The following FAM135B variants were observed in gnomAD, a reference collection of about 807,000 sequenced individuals.
FAM135B encodes family with sequence similarity 135 member B, also known as protein FAM135B.
In FAM135B, 43 loss-of-function variants were observed where a neutral mutation model predicts 127.7. The observed-to-expected ratio is 0.34, with a 90% CI of 0.26 to 0.43. The LOEUF is 0.43. Ranked by LOEUF, FAM135B falls within the 20% of genes least tolerant of loss-of-function variation. FAM135B has a pLI of 1.00. For synonymous variants in FAM135B, 670 were observed against 665.1 expected, an observed-to-expected ratio of 1.01 and a Z score of -0.11; for missense variants, 1,558 against 1,725.6, an observed-to-expected ratio of 0.90 and a Z score of 1.72.
At chr8:138,399,551 C>T (rs928477775) in intron 1 of FAM135B, among the ~76,000 whole-genome samples, 1 of 152,162 alleles carries the variant, frequency 6.6e-6, no homozygotes, top group African/African-American at 2.4e-5. Flanking sequence ...CCCCCACTGT[C>T]AACAGACCAA....
chr8:138,418,462 A>G (rs1052837260), intron 1 of FAM135B, among the ~76,000 whole-genome samples: 2 of 152,074 alleles, frequency 1.3e-5, no homozygotes, highest in African/African-American at 4.8e-5. Context: ...GCTATACAAG[A>G]TGACCATTCA....
Position 138,152,695 on chromosome 8 carries a change from T to C in FAM135B, c.1780A>G (p.Lys594Glu), listed in dbSNP as rs779426830. The C allele has an allele frequency of 3.1e-6, 5 of 1,614,180 alleles. No homozygotes were observed. The highest frequency in any genetic ancestry group is 4.2e-6 in the Non-Finnish European group (5 of 1,180,032). The change falls in exon 13 of 20, where the codon AAA becomes GAA. Residue 594 changes from lysine (K) to glutamate (E), a missense_variant. Physicochemically the swap from Lys to Glu is moderately conservative, Grantham distance 56. Transcript: ENST00000395297. Reference protein sequence around the residue: ...KYGLDRTGLSKVVVGGSHQNA... With the variant: ...KYGLDRTGLSEVVVGGSHQNA... ...TGGTGGCTTCCACCTACTACCACTT[T>C]GCTTAGCCCAGTCCTGTCTAATCCA...
chr8:138,322,441 G>C (rs1827511387), intron 2 of FAM135B, among the ~76,000 whole-genome samples: 1 of 152,170 alleles, frequency 6.6e-6, no homozygotes, highest in Non-Finnish European at 1.5e-5. Flanking sequence ...CAGATTGCTT[G>C]ATACTGTAGG....
At position 138,278,196 on chromosome 8, in the gene FAM135B, G is replaced by A. The variant is rs186546543; in HGVS notation, c.158-12354C>T. ...AATCTAAGCTGCAAAAATTGCTGCC[G>A]AGGATGTAGATCTAGGTGTTCATTG... is the stretch of plus-strand genomic sequence containing the variant. On this transcript the variant is annotated intron_variant, in intron 3 of 19. Coordinates refer to ENST00000395297, the MANE Select transcript of FAM135B (RefSeq NM_015912.4). Among the ~76,000 whole-genome samples the A allele has an allele frequency of 2.6e-3, 397 of 151,618 alleles. 1 individual carries two copies. The highest frequency in any genetic ancestry group is 7.3e-3 in the Admixed American group (111 of 15,250).
At chr8:138,162,405 A>G (rs1819491361) in intron 12 of FAM135B, among the ~76,000 whole-genome samples, 1 of 152,200 alleles carries the variant, frequency 6.6e-6, no homozygotes. Flanking sequence ...AAACCCATAT[A>G]GAATGTGCAA....
chr8:138,196,296 C>A (rs1816620204), intron 8 of FAM135B, among the ~76,000 whole-genome samples: 1 of 152,186 alleles, frequency 6.6e-6, no homozygotes, highest in African/African-American at 2.4e-5. Context: ...TTCCTGCATG[C>A]ATAAGATTTG....
In FAM135B at chr8:138,152,168, C is replaced by T. The variant is rs2130759071; in HGVS notation, c.2307G>A (p.Lys769=). The change falls in exon 13 of 20, where the codon AAG becomes AAA. Residue 769 remains lysine, a synonymous_variant. Coordinates refer to ENST00000395297, the MANE Select transcript of FAM135B (RefSeq NM_015912.4). ...TACTGATGTGGGGAGCAGATACAGA[C>T]TTGGTTAACTTAGTGAGTGCCACCT... ...EREVALTKLT[K]SVSAPHISSP... The T allele has an allele frequency of 1.2e-6, 2 of 1,614,022 alleles. No homozygotes were observed. Among genetic ancestry groups the T allele is most frequent in the Admixed American group, 1.7e-5 (1 of 60,014 alleles).
intron 11 of FAM135B, among the ~76,000 whole-genome samples, chr8:138,168,828 C>T (rs1332799112): frequency 6.6e-6 from 1 of 152,152 alleles, no homozygotes; most frequent in Non-Finnish European, 1.5e-5. Flanking sequence ...AACTCAATCA[C>T]TCTTCCCTCA....
At chr8:138,490,761 C>G (rs150958856) in intron 1 of FAM135B, among the ~76,000 whole-genome samples, 140 of 152,282 alleles carry the variant, frequency 9.2e-4, no homozygotes, top group African/African-American at 3.3e-3. Context: ...TGCAGTTATT[C>G]TAAGTAACTG....
intron 1 of FAM135B, among the ~76,000 whole-genome samples, chr8:138,453,425 C>CAAAA (rs397891817): frequency 1.2e-5 from 1 of 84,324 alleles, no homozygotes. Context: ...GTCCAAGTGA[C>CAAAA]AAAAAAAAAA....
chr8:138,178,055 G>A (rs1243315482), intron 10 of FAM135B, among the ~76,000 whole-genome samples: 1 of 152,032 alleles, frequency 6.6e-6, no homozygotes, highest in Non-Finnish European at 1.5e-5. Flanking sequence ...GACCAGTCTA[G>A]TCAACATGGT....
At chr8:138,221,066 C>T (rs1218251949) in intron 7 of FAM135B, among the ~76,000 whole-genome samples, 4 of 152,146 alleles carry the variant, frequency 2.6e-5, no homozygotes, top group Non-Finnish European at 5.9e-5. Context: ...AGATGAAACC[C>T]AGGAAATTTC....
chr8:138,226,908 G>C (rs1819501682), intron 7 of FAM135B, among the ~76,000 whole-genome samples: 1 of 152,016 alleles, frequency 6.6e-6, no homozygotes, highest in African/African-American at 2.4e-5. Context: ...TGTTGGCCAG[G>C]CTGGTCTCAA....
intron 12 of FAM135B, among the ~76,000 whole-genome samples, chr8:138,154,794 G>A (rs1373757668): frequency 6.6e-6 from 1 of 152,204 alleles, no homozygotes; most frequent in African/African-American, 2.4e-5. Flanking sequence ...ACGGGACTAT[G>A]TGAAAAGACC....
chr8:138,278,704 A>G (rs1344536079), intron 3 of FAM135B, among the ~76,000 whole-genome samples: 1 of 151,764 alleles, frequency 6.6e-6, no homozygotes, highest in African/African-American at 2.4e-5. Context: ...CTGGGACTAT[A>G]GGTGCCCACC....
At chr8:138,182,455 A>G (rs1815141262) in intron 9 of FAM135B, among the ~76,000 whole-genome samples, 1 of 152,186 alleles carries the variant, frequency 6.6e-6, no homozygotes, top group Middle Eastern at 3.4e-3. Flanking sequence ...CACCCTCGTC[A>G]CCTGGGTGCT....
intron 4 of FAM135B, among the ~76,000 whole-genome samples, chr8:138,260,997 C>G (rs1024967240): frequency 6.6e-6 from 1 of 152,112 alleles, no homozygotes; most frequent in Non-Finnish European, 1.5e-5. Context: ...CTTTCTTTCC[C>G]AAATCTGCCT....
At chr8:138,226,184 T>TGCGCGCGCGCGCGC (rs1554637377) in intron 7 of FAM135B, among the ~76,000 whole-genome samples, 6 of 139,274 alleles carry the variant, frequency 4.3e-5, no homozygotes, top group Admixed American at 2.8e-4. Flanking sequence ...TGTGTGTGTG[T>TGCGCGCGCGCGCGC]GCGCGCATGT....
At chr8:138,265,874 A>G (rs765406811) in intron 3 of FAM135B, 32 bp from the exon 4 acceptor site, 3 of 1,607,154 alleles carry the variant, frequency 1.9e-6, no homozygotes, top group Admixed American at 1.7e-5. Context: ...GAACCCATGA[A>G]CTCCAATACT....
Sources: gnomAD v4.1 joint callset for allele counts (sites outside exome capture counted in the v4.1 genomes callset) on GRCh38, gnomAD v4.1.1 for gene constraint, MANE v1.5 for transcripts, NCBI Gene and HGNC (gene_info 2026-07-23, HGNC 2026-07-21) for gene names.